Variants in TMED3 observed in about 807,000 individuals in gnomAD.
The protein encoded by TMED3 is transmembrane p24 trafficking protein 3.
TMED3 carries 9 observed loss-of-function variants against 15.0 expected under a neutral mutation model. That is an observed-to-expected ratio of 0.60 (90% CI 0.36 to 1.04). TMED3 has a LOEUF of 1.04. Among genes scored for constraint, TMED3 ranks in the 50% least tolerant of loss-of-function variants. The probability of loss-of-function intolerance (pLI) is 0.01; values close to 1 mark genes in which losing one functional copy is unlikely to be tolerated. For synonymous variants in TMED3, 117 were observed against 121.4 expected, an observed-to-expected ratio of 0.96 and a Z score of 0.24; for missense variants, 267 against 278.9, an observed-to-expected ratio of 0.96 and a Z score of 0.30.
In TMED3 at chr15:79,322,631, A is replaced by G; in HGVS notation, c.*417A>G. On this transcript the variant is annotated 3_prime_UTR_variant, in exon 3 of 3. Transcript: ENST00000299705. ...CCCATATGGAGAAGAAAGGGGCTCTAAGTTCTGGCTCTTCTTTCTTTGGGG... is the reference window on the plus strand; with the variant it reads ...CCCATATGGAGAAGAAAGGGGCTCTGAGTTCTGGCTCTTCTTTCTTTGGGG... The G allele has an allele frequency of 1.1e-5, 11 of 993,264 alleles. No homozygotes were observed. The highest frequency in any genetic ancestry group is 1.1e-5 in the Non-Finnish European group (9 of 835,576). 61.5% of individuals were successfully genotyped at this position (993,264 alleles called of 1,614,324 possible).
chr15:79,394,299 T>A (rs537751200), intron 2 of TMED3, among the ~76,000 whole-genome samples: 3 of 152,328 alleles, frequency 2.0e-5, no homozygotes, highest in East Asian at 3.9e-4. Flanking sequence ...GCCTTGCCGA[T>A]CTTTATAGAA....
At chr15:79,314,086 G>C in intron 2 of TMED3, 81 bp downstream of exon 2, 1 of 1,549,586 alleles carries the variant, frequency 6.5e-7, no homozygotes, top group Non-Finnish European at 8.7e-7. Flanking sequence ...GCTGGTGGTG[G>C]GAGTCATCAT....
chr15:79,394,936 T>C (rs1248381672), intron 2 of TMED3, among the ~76,000 whole-genome samples: 1 of 152,238 alleles, frequency 6.6e-6, no homozygotes, highest in Non-Finnish European at 1.5e-5. Context: ...TGTTGTTTTA[T>C]ACTTTTGATA....
At chr15:79,353,318 A>T (rs191742274) in intron 2 of TMED3, among the ~76,000 whole-genome samples, 1 of 44,702 alleles carries the variant, frequency 2.2e-5, no homozygotes, top group Non-Finnish European at 5.3e-5. Context: ...TATATATATA[A>T]TATATATAAT....
intron 2 of TMED3, among the ~76,000 whole-genome samples, chr15:79,316,331 C>T (rs373528807): frequency 6.6e-5 from 10 of 152,268 alleles, no homozygotes; most frequent in Admixed American, 3.3e-4. Flanking sequence ...AAGCCAAGCT[C>T]GAGGGGCTTC....
intron 1 of TMED3, 88 bp downstream of exon 1, chr15:79,311,505 G>GA (rs1379536221): frequency 7.6e-6 from 11 of 1,451,636 alleles, no homozygotes; most frequent in Admixed American, 6.8e-5. Context: ...GGAGGCGCTC[G>GA]AATTAGCCAC....
At chr15:79,404,952 A>G (rs991106759) in intron 2 of TMED3, among the ~76,000 whole-genome samples, 9 of 152,224 alleles carry the variant, frequency 5.9e-5, no homozygotes, top group African/African-American at 2.2e-4. Flanking sequence ...GTATTCTGCC[A>G]TAGGCCACGG....
downstream of TMED3, among the ~76,000 whole-genome samples, chr15:79,327,367 T>A (rs904634375): frequency 6.6e-6 from 1 of 151,384 alleles, no homozygotes; most frequent in Non-Finnish European, 1.5e-5. Flanking sequence ...CTGTTATTTA[T>A]ATGTCACCCA....
chr15:79,364,766 G>A (rs1005493857), intron 2 of TMED3, among the ~76,000 whole-genome samples: 3 of 151,198 alleles, frequency 2.0e-5, no homozygotes, highest in African/African-American at 7.3e-5. Context: ...CAAACTCTAG[G>A]GGCAGATCAT....
chr15:79,351,555 A>G (rs1156669447), intron 2 of TMED3, among the ~76,000 whole-genome samples: 1 of 152,198 alleles, frequency 6.6e-6, no homozygotes, highest in East Asian at 1.9e-4. Context: ...TATGGCCATA[A>G]TACAAAAATA....
At chr15:79,333,954 T>C (rs143224145) in intron 2 of TMED3, among the ~76,000 whole-genome samples, 4 of 152,236 alleles carry the variant, frequency 2.6e-5, no homozygotes, top group Middle Eastern at 3.4e-3. Flanking sequence ...GGAAAACATA[T>C]CCTCCTAAGC....
At chr15:79,375,470 T>G (rs774283227) in intron 2 of TMED3, among the ~76,000 whole-genome samples, 53 of 152,116 alleles carry the variant, frequency 3.5e-4, no homozygotes, top group Non-Finnish European at 5.1e-4. Context: ...AAGAAATACC[T>G]GAGTCTGAGT....
At chr15:79,315,420 G>A (rs956993543) in intron 2 of TMED3, among the ~76,000 whole-genome samples, 3 of 152,144 alleles carry the variant, frequency 2.0e-5, no homozygotes, top group Non-Finnish European at 2.9e-5. Context: ...AGATCCAGCC[G>A]AGGGTGTGTA....
chr15:79,397,028 G>A (rs148333569), intron 2 of TMED3, among the ~76,000 whole-genome samples: 1 of 152,180 alleles, frequency 6.6e-6, no homozygotes, highest in Non-Finnish European at 1.5e-5. Flanking sequence ...GATGTAAGAG[G>A]CGGGAATGCA....
intron 2 of TMED3, among the ~76,000 whole-genome samples, chr15:79,391,487 T>C (rs1420395946): frequency 6.6e-6 from 1 of 152,214 alleles, no homozygotes. Flanking sequence ...TTTTGTGGCC[T>C]ATCATATGGT....
chr15:79,314,425 G>C (rs2058731891), intron 2 of TMED3: 1 of 411,130 alleles, frequency 2.4e-6, no homozygotes, highest in Non-Finnish European at 5.0e-6. Flanking sequence ...TGGCTTAACA[G>C]AATAGAAGTT....
At chr15:79,393,777 C>G (rs1038005089) in intron 2 of TMED3, among the ~76,000 whole-genome samples, 6 of 152,106 alleles carry the variant, frequency 3.9e-5, no homozygotes, top group African/African-American at 1.4e-4. Context: ...CTCACTGCAA[C>G]CTCTGCCTCC....
downstream of TMED3, among the ~76,000 whole-genome samples, chr15:79,325,630 C>A (rs930651390): frequency 1.3e-5 from 2 of 152,148 alleles, no homozygotes; most frequent in Admixed American, 6.5e-5. Context: ...ACGATAGGTC[C>A]TCTGCCAGCT....
intron 2 of TMED3, among the ~76,000 whole-genome samples, chr15:79,340,111 G>A (rs2058846337): frequency 6.6e-6 from 1 of 152,184 alleles, no homozygotes. Context: ...TTAAAGTACT[G>A]TATTGAGCAC....
Sources: gnomAD v4.1 joint callset for allele counts (sites outside exome capture counted in the v4.1 genomes callset) on GRCh38, gnomAD v4.1.1 for gene constraint, MANE v1.5 for transcripts, NCBI Gene and HGNC (gene_info 2026-07-23, HGNC 2026-07-21) for gene names.